Variants in BCAS3 observed in about 807,000 individuals in gnomAD.
BCAS3 encodes the protein BCAS4/BCAS3 fusion.
BCAS3 carries 53 observed loss-of-function variants against 116.1 expected under a neutral mutation model. The ratio of observed to expected loss-of-function variants is 0.46; its 90% confidence interval spans 0.37 to 0.57. The LOEUF (loss-of-function observed/expected upper bound fraction) is 0.57. Ranked by LOEUF, BCAS3 falls within the 20% of genes least tolerant of loss-of-function variation. The pLI is 0.00. For missense variants in BCAS3, 917 were observed against 1,165.4 expected (o/e 0.79, Z 3.10); for synonymous variants, 391 against 408.2 (o/e 0.96, Z 0.51).
intron 22 of BCAS3, among the ~76,000 whole-genome samples, chr17:61,114,869 A>AGTTT (rs2075325779): frequency 6.6e-6 from 1 of 151,864 alleles, no homozygotes; most frequent in African/African-American, 2.4e-5. Context: ...CCAAAACAGC[A>AGTTT]TGGTACTGGT....
At chr17:61,172,934 G>C (rs2078935413) in intron 22 of BCAS3, among the ~76,000 whole-genome samples, 1 of 151,584 alleles carries the variant, frequency 6.6e-6, no homozygotes, top group Admixed American at 6.6e-5. Flanking sequence ...CTTGCAGTGA[G>C]CTGAGATGAC....
chr17:61,202,119 T>G (rs1249754825), intron 22 of BCAS3, among the ~76,000 whole-genome samples: 2 of 132,810 alleles, frequency 1.5e-5, no homozygotes, highest in Non-Finnish European at 3.2e-5. Context: ...CCAGGTACTT[T>G]CAGAAAGGTG....
At position 61,042,558 on chromosome 17, in the gene BCAS3, A is replaced by G. The variant is rs559849670; in HGVS notation, c.2029+1666A>G. ...AGTAGTAAGCCATTACATGTTTTCAAGCATAGGAATGACACCATCAAAATT... is the reference window on the plus strand; with the variant it reads ...AGTAGTAAGCCATTACATGTTTTCAGGCATAGGAATGACACCATCAAAATT... On this transcript the variant is annotated intron_variant, in intron 19 of 23. Coordinates refer to ENST00000407086, the MANE Select transcript of BCAS3 (RefSeq NM_017679.5). Among the ~76,000 whole-genome samples, 12 of 152,042 alleles carry G rather than the reference A, an allele frequency of 7.9e-5. No homozygotes were observed. The East Asian group carries it at 2.3e-3, about 29-fold the overall frequency.
chr17:61,381,405 A>G lies in BCAS3; in HGVS notation c.2594-10572A>G, dbSNP rs957655754. Among the ~76,000 whole-genome samples, 32 of 152,240 alleles carry G rather than the reference A, an allele frequency of 2.1e-4. No homozygotes were observed. Among genetic ancestry groups the G allele is most frequent in the African/African-American group, 7.2e-4 (30 of 41,534 alleles). On this transcript the variant is annotated intron_variant, in intron 23 of 23. Coordinates refer to ENST00000407086, the MANE Select transcript of BCAS3 (RefSeq NM_017679.5). The surrounding 1 kb of genome is among the most constrained non-coding windows in gnomAD (Gnocchi z 6.0). Reference sequence around the variant, plus strand: ...CTGGACGGGCGGCGGCACCACCACAATTAGCTGAGACTGTGATCCTTTCCC... The same window carrying G: ...CTGGACGGGCGGCGGCACCACCACAGTTAGCTGAGACTGTGATCCTTTCCC...
intron 10 of BCAS3, 26 bp downstream of exon 10, chr17:60,889,797 A>T (rs1235103039): frequency 1.3e-6 from 2 of 1,580,652 alleles, no homozygotes; most frequent in African/African-American, 2.7e-5. Flanking sequence ...TGTTTGGATT[A>T]TTTGTAATGG....
In BCAS3 at chr17:61,149,328, G is replaced by A. The variant is rs76664639; in HGVS notation, c.2425+64764G>A. Among the ~76,000 whole-genome samples the A allele has an allele frequency of 8.5e-3, 1,287 of 152,050 alleles. 10 individuals carry two copies. The highest frequency in any genetic ancestry group is 0.012 in the Non-Finnish European group (799 of 67,998). Reference sequence around the variant, plus strand: ...AAGCTGGTTCCATAGCATAAATTGCGAAATACTTAGGCAAGAAGATTATTC... The same window carrying A: ...AAGCTGGTTCCATAGCATAAATTGCAAAATACTTAGGCAAGAAGATTATTC... On this transcript the variant is annotated intron_variant, in intron 22 of 23. Coordinates refer to ENST00000407086, the MANE Select transcript of BCAS3 (RefSeq NM_017679.5).
At chr17:61,319,254 C>A (rs1308215458) in intron 22 of BCAS3, among the ~76,000 whole-genome samples, 1 of 152,212 alleles carries the variant, frequency 6.6e-6, no homozygotes, top group Non-Finnish European at 1.5e-5. Context: ...CAGGATCATT[C>A]TGACCCTTTG....
At chr17:60,817,710 G>A (rs1216328019) in intron 7 of BCAS3, among the ~76,000 whole-genome samples, 3 of 152,112 alleles carry the variant, frequency 2.0e-5, no homozygotes, top group African/African-American at 4.8e-5. Context: ...CTTATCGCTC[G>A]TTATATAGGC....
At chr17:61,318,932 A>C (rs1000593770) in intron 22 of BCAS3, among the ~76,000 whole-genome samples, 8 of 152,178 alleles carry the variant, frequency 5.3e-5, no homozygotes, top group Admixed American at 3.9e-4. Context: ...ACATAGAAGG[A>C]GCTTTGTACT....
intron 15 of BCAS3, among the ~76,000 whole-genome samples, chr17:61,011,955 A>G (rs1052801850): frequency 1.8e-4 from 28 of 152,100 alleles, no homozygotes; most frequent in African/African-American, 5.8e-4. Context: ...TTCTGATGTT[A>G]TTTATACATT....
chr17:60,765,922 C>T (rs1035774466), intron 6 of BCAS3, among the ~76,000 whole-genome samples: 8 of 152,118 alleles, frequency 5.3e-5, no homozygotes, highest in Non-Finnish European at 1.0e-4. Flanking sequence ...CTTCTCACTT[C>T]ATTTCATTAA....
Position 60,919,861 on chromosome 17 carries a change from G to A in BCAS3, c.994-4546G>A, listed in dbSNP as rs376218436. Among the ~76,000 whole-genome samples, 19 of 152,048 alleles carry A rather than the reference G, an allele frequency of 1.2e-4. No individual in the cohort carries two copies. In the South Asian group the frequency reaches 2.7e-3, roughly 22 times the overall value. ...GCATATTGTAATCCCTCCAACTACC[G>A]CTAAGAAATTACTCAGAAAAAGTAA... On this transcript the variant is annotated intron_variant, in intron 12 of 23. Transcript: ENST00000407086.
intron 5 of BCAS3, among the ~76,000 whole-genome samples, chr17:60,725,851 GT>G (rs1196626205): frequency 6.6e-6 from 1 of 151,454 alleles, no homozygotes; most frequent in African/African-American, 2.4e-5. Flanking sequence ...TTTTCTTTTT[GT>G]TTTTTAATCC....
intron 16 of BCAS3, among the ~76,000 whole-genome samples, chr17:61,030,584 A>G (rs776570011): frequency 2.6e-5 from 4 of 152,082 alleles, no homozygotes; most frequent in East Asian, 1.9e-4. Context: ...TTCTCGTTCT[A>G]TGGTTAGACA....
At chr17:60,935,031 G>T (rs1411659174) in intron 13 of BCAS3, among the ~76,000 whole-genome samples, 1 of 152,126 alleles carries the variant, frequency 6.6e-6, no homozygotes, top group Non-Finnish European at 1.5e-5. Context: ...GGTGGCTCAT[G>T]CCCGTAGCTG....
At chr17:60,941,716 C>T (rs1335931092) in intron 13 of BCAS3, among the ~76,000 whole-genome samples, 1 of 152,114 alleles carries the variant, frequency 6.6e-6, no homozygotes, top group African/African-American at 2.4e-5. Flanking sequence ...ATTTGTTTTA[C>T]ATAATCATAA....
At chr17:60,746,869 T>G (rs761922744) in intron 5 of BCAS3, among the ~76,000 whole-genome samples, 5 of 152,176 alleles carry the variant, frequency 3.3e-5, no homozygotes, top group Non-Finnish European at 7.4e-5. Flanking sequence ...CAGAGTAGTA[T>G]TACAGTTGTT....
intron 22 of BCAS3, among the ~76,000 whole-genome samples, chr17:61,165,637 G>T (rs764570975): frequency 3.3e-5 from 5 of 152,172 alleles, no homozygotes; most frequent in African/African-American, 4.8e-5. Flanking sequence ...AGTGAGCCAA[G>T]ATTGCACCAT....
At chr17:61,014,462 T>A (rs2065309429) in intron 15 of BCAS3, among the ~76,000 whole-genome samples, 2 of 151,924 alleles carry the variant, frequency 1.3e-5, no homozygotes, top group South Asian at 4.1e-4. Context: ...GGAAAGGCAA[T>A]TAAAGGAGAA....
Sources: gnomAD v4.1 joint callset for allele counts (sites outside exome capture counted in the v4.1 genomes callset) on GRCh38, gnomAD v4.1.1 for gene constraint, Gnocchi (gnomAD v3.1) non-coding constraint, MANE v1.5 for transcripts, NCBI Gene and HGNC (gene_info 2026-07-23, HGNC 2026-07-21) for gene names.